Variants in EAF2 observed in about 807,000 individuals in gnomAD.
EAF2 encodes the protein ELL-associated factor 2.
In EAF2, 29 loss-of-function variants were observed where a neutral mutation model predicts 29.4. That is an observed-to-expected ratio of 0.99 (90% CI 0.73 to 1.35). The LOEUF is 1.35. Ranked by LOEUF, EAF2 falls within the 40% of genes most tolerant of loss-of-function variation. The pLI, the probability that EAF2 is intolerant of heterozygous loss-of-function variation, is 0.00. For missense variants in EAF2, 292 were observed against 312.0 expected (o/e 0.94, Z 0.48); for synonymous variants, 103 against 102.5 (o/e 1.00, Z -0.03).
intron 2 of EAF2, among the ~76,000 whole-genome samples, chr3:121,844,885 C>T (rs1023888066): frequency 1.3e-5 from 2 of 152,154 alleles, no homozygotes; most frequent in Non-Finnish European, 2.9e-5. Flanking sequence ...AGCAGACAGA[C>T]ACATAACATC....
chr3:121,846,564 C>T (rs191427541), intron 2 of EAF2, among the ~76,000 whole-genome samples: 137 of 152,200 alleles, frequency 9.0e-4, no homozygotes, highest in African/African-American at 3.2e-3. Context: ...GGAACCATTG[C>T]GCCATTCCAC....
At chr3:121,847,372 A>T (rs1708547185) in intron 2 of EAF2, among the ~76,000 whole-genome samples, 1 of 152,222 alleles carries the variant, frequency 6.6e-6, no homozygotes, top group South Asian at 2.1e-4. Flanking sequence ...GGAGAGAGGG[A>T]AGGACATTTT....
At chr3:121,858,432 T>A (rs569903885) in intron 4 of EAF2, among the ~76,000 whole-genome samples, 18 of 152,378 alleles carry the variant, frequency 1.2e-4, no homozygotes, top group African/African-American at 4.1e-4. Flanking sequence ...ATGATGAGCA[T>A]TTTTTCATGT....
At position 121,854,742 on chromosome 3, in the gene EAF2, A is replaced by C; in HGVS notation, c.257A>C (p.Glu86Ala). The part of the protein sequence containing the change: ...FKGSKKPYLK[E>A]CILIINHDTG... ...GGTTCAAAAAAACCTTACTTAAAAG[A>C]ATGCATTTTGATTATTAACCATGAT... Residue 86 changes from glutamate to alanine, a missense_variant, in exon 3 of 6, where the codon GAA becomes GCA. Coordinates refer to ENST00000273668, the MANE Select transcript of EAF2 (RefSeq NM_018456.6). 1 of 1,568,228 alleles carries C rather than the reference A, an allele frequency of 6.4e-7. No individual in the cohort carries two copies. The highest frequency in any genetic ancestry group is 8.6e-7 in the Non-Finnish European group (1 of 1,167,464).
Position 121,872,665 on chromosome 3 carries a change from T to G in EAF2, c.613T>G (p.Ser205Ala). The change falls in exon 5 of 6, where the codon TCT becomes GCT. Residue 205 changes from serine (S) to alanine (A), a missense_variant. Coordinates refer to ENST00000273668, the MANE Select transcript of EAF2 (RefSeq NM_018456.6). ...CTCAGAAGATGAAGATTGCAAATCC[T>G]CTACTTCTGATACAGGGAATTGTGT... ...SDSEDEDCKSSTSDTGNCVSG... is the reference protein window; with the variant it reads ...SDSEDEDCKSATSDTGNCVSG... The G allele has an allele frequency of 6.2e-7, 1 of 1,613,030 alleles. No individual in the cohort carries two copies. Among genetic ancestry groups the G allele is most frequent in the Non-Finnish European group, 8.5e-7 (1 of 1,179,258 alleles).
intron 2 of EAF2, among the ~76,000 whole-genome samples, chr3:121,844,873 A>G (rs1708495262): frequency 6.6e-6 from 1 of 152,180 alleles, no homozygotes; most frequent in African/African-American, 2.4e-5. Context: ...CTAATCTTTT[A>G]TAGCAGACAG....
At chr3:121,862,166 C>T (rs1024937312) in intron 4 of EAF2, among the ~76,000 whole-genome samples, 1 of 152,192 alleles carries the variant, frequency 6.6e-6, no homozygotes, top group Non-Finnish European at 1.5e-5. Flanking sequence ...TGCTCTTCTC[C>T]AGGAGTATCT....
chr3:121,854,589 T>C, intron 2 of EAF2, 98 bp from the exon 3 acceptor site: 1 of 1,027,628 alleles, frequency 9.7e-7, no homozygotes, highest in Non-Finnish European at 1.3e-6. Context: ...ACTTGAAGTA[T>C]AACATAGAAG....
chr3:121,866,961 A>G lies in EAF2; in HGVS notation c.485-5576A>G, dbSNP rs1056373098. 4.6e-5 allele frequency among the ~76,000 whole-genome samples: 7 copies of G among 152,212 alleles called. No individual in the cohort carries two copies. The East Asian group carries it at 1.3e-3, about 29-fold the overall frequency. ...AAAACAAAATAGAAAATCACATTAA[A>G]GAAATAGAAGTTTTAAGTAAGAATC... On this transcript the variant is annotated intron_variant, in intron 4 of 5. Coordinates refer to ENST00000273668, the MANE Select transcript of EAF2 (RefSeq NM_018456.6).
At chr3:121,865,873 A>G (rs1041815541) in intron 4 of EAF2, among the ~76,000 whole-genome samples, 1 of 152,066 alleles carries the variant, frequency 6.6e-6, no homozygotes, top group African/African-American at 2.4e-5. Flanking sequence ...TGCAAGTAGA[A>G]TTCTACTGTA....
chr3:121,858,846 A>G (rs931939762), intron 4 of EAF2, among the ~76,000 whole-genome samples: 1 of 152,196 alleles, frequency 6.6e-6, no homozygotes, highest in Non-Finnish European at 1.5e-5. Context: ...TAATTTTTAT[A>G]TAAGGTGTAA....
intron 3 of EAF2, among the ~76,000 whole-genome samples, chr3:121,855,037 A>G (rs537906291): frequency 6.6e-6 from 1 of 152,318 alleles, no homozygotes; most frequent in African/African-American, 2.4e-5. Context: ...TTTTGCTTCT[A>G]AATGCTTTCT....
intron 3 of EAF2, among the ~76,000 whole-genome samples, chr3:121,855,748 G>A (rs1317081079): frequency 6.6e-6 from 1 of 152,166 alleles, no homozygotes; most frequent in Non-Finnish European, 1.5e-5. Context: ...TATACGTTTT[G>A]GAAAGTAGGG....
intron 2 of EAF2, among the ~76,000 whole-genome samples, chr3:121,848,274 G>A (rs572658880): frequency 5.9e-5 from 9 of 152,274 alleles, no homozygotes; most frequent in African/African-American, 2.2e-4. Flanking sequence ...GATGTATGCA[G>A]ATGTGTCCAT....
chr3:121,848,152 A>G (rs1376436594), intron 2 of EAF2, among the ~76,000 whole-genome samples: 1 of 152,222 alleles, frequency 6.6e-6, no homozygotes, highest in Admixed American at 6.5e-5. Flanking sequence ...GTTATAATTG[A>G]TAGAAAAGAT....
chr3:121,858,499 C>G (rs1708764756), intron 4 of EAF2, among the ~76,000 whole-genome samples: 1 of 152,200 alleles, frequency 6.6e-6, no homozygotes, highest in South Asian at 2.1e-4. Context: ...ATCCTTTGCC[C>G]ACTTTTTGAT....
chr3:121,874,971 G>C (rs1234801481), intron 5 of EAF2, among the ~76,000 whole-genome samples: 2 of 150,298 alleles, frequency 1.3e-5, no homozygotes, highest in Non-Finnish European at 3.0e-5. Flanking sequence ...AGAACTTTTA[G>C]GGAAACTTTT....
In EAF2 at chr3:121,886,341, G is replaced by T; in HGVS notation, c.737-1G>T. On this transcript the variant is annotated splice_acceptor_variant, in intron 5 of 5. Coordinates refer to ENST00000273668, the MANE Select transcript of EAF2 (RefSeq NM_018456.6). LOFTEE classifies it high-confidence loss of function. The stretch of plus-strand genomic sequence containing the variant: ...GTTTTGTTATTTCTTTCTTATTTTA[G>T]GAAATGATTTGCAGCTGAGTGAATC... 6.8e-7 allele frequency: 1 copy of T among 1,476,794 alleles called. No homozygotes were observed. Among genetic ancestry groups the T allele is most frequent in the Non-Finnish European group, 9.0e-7 (1 of 1,107,604 alleles). 91.5% of individuals were successfully genotyped at this position (1,476,794 alleles called of 1,614,324 possible). A position where few individuals can be genotyped will look rare whatever the true frequency, so the allele number is the denominator to read the frequency against.
chr3:121,882,865 C>T (rs998894254), intron 5 of EAF2, among the ~76,000 whole-genome samples: 5 of 151,018 alleles, frequency 3.3e-5, no homozygotes, highest in African/African-American at 1.2e-4. Context: ...TGAAATAAAC[C>T]ATCTCTGACC....
Sources: gnomAD v4.1 joint callset for allele counts (sites outside exome capture counted in the v4.1 genomes callset) on GRCh38, gnomAD v4.1.1 for gene constraint, MANE v1.5 for transcripts, NCBI Gene and HGNC (gene_info 2026-07-23, HGNC 2026-07-21) for gene names.